The following CTIF variants were observed in gnomAD, a reference collection of about 807,000 sequenced individuals.
The protein encoded by CTIF is CBP80/20-dependent translation initiation factor.
A neutral mutation model predicts 66.0 loss-of-function variants in CTIF; 21 were observed. The observed-to-expected ratio is 0.32, with a 90% CI of 0.23 to 0.46. The LOEUF (loss-of-function observed/expected upper bound fraction) is 0.46, where lower values mean the gene tolerates loss of function less well. CTIF is among the 20% of genes least tolerant of loss of function. CTIF has a pLI of 1.00. For synonymous variants in CTIF, 345 were observed against 326.4 expected, an observed-to-expected ratio of 1.06 and a Z score of -0.62; for missense variants, 739 against 812.7, an observed-to-expected ratio of 0.91 and a Z score of 1.10.
Position 48,758,325 on chromosome 18 carries a change from C to T in CTIF, c.991C>T (p.Pro331Ser). Reference sequence around the variant, plus strand: ...GACAAAACGTAAAGACAGTATTCTTCCCGAGCGCATCGGGGAGCGGCCCAA... The same window carrying T: ...GACAAAACGTAAAGACAGTATTCTTTCCGAGCGCATCGGGGAGCGGCCCAA... Reference protein sequence around the residue: ...VETKRKDSILPERIGERPKIT... With the variant: ...VETKRKDSILSERIGERPKIT... The change falls in exon 8 of 12, where the codon CCC becomes TCC. Residue 331 changes from proline (P) to serine (S), a missense_variant. By Grantham distance (74) the Pro-to-Ser change is moderately conservative. Transcript: ENST00000256413. 2 of 1,612,972 alleles carry T rather than the reference C, an allele frequency of 1.2e-6. No homozygotes were observed. The highest frequency in any genetic ancestry group is 1.7e-6 in the Non-Finnish European group (2 of 1,179,954).
intron 6 of CTIF, among the ~76,000 whole-genome samples, chr18:48,704,481 G>T (rs1002222583): frequency 6.6e-6 from 1 of 152,116 alleles, no homozygotes; most frequent in Admixed American, 6.5e-5. Context: ...TCCCGGGGCC[G>T]CCATAACAAA....
chr18:48,728,563 T>G (rs578093943), intron 7 of CTIF, among the ~76,000 whole-genome samples: 1 of 152,312 alleles, frequency 6.6e-6, no homozygotes, highest in East Asian at 1.9e-4. Context: ...TGCGGTCATC[T>G]GACACTTGAC....
chr18:48,658,185 A>G (rs2091276296), intron 3 of CTIF, among the ~76,000 whole-genome samples: 1 of 151,550 alleles, frequency 6.6e-6, no homozygotes, highest in Non-Finnish European at 1.5e-5. Context: ...TGTGAGGTGT[A>G]TATGTGTGTG....
At chr18:48,668,736 A>G (rs574334181) in intron 5 of CTIF, among the ~76,000 whole-genome samples, 1 of 152,176 alleles carries the variant, frequency 6.6e-6, no homozygotes, top group Admixed American at 6.5e-5. Flanking sequence ...GTGCTTGGCC[A>G]GCTCACCTCT....
At chr18:48,756,713 G>A (rs1177514072) in intron 7 of CTIF, among the ~76,000 whole-genome samples, 1 of 152,202 alleles carries the variant, frequency 6.6e-6, no homozygotes, top group Non-Finnish European at 1.5e-5. Context: ...AGTGCTTTCA[G>A]TGGCAGGAAG....
chr18:48,688,384 A>G (rs1189636136), intron 6 of CTIF: 1 of 152,286 alleles, frequency 6.6e-6, no homozygotes, highest in East Asian at 1.9e-4. Flanking sequence ...AGAGGGTCAG[A>G]TGAGGGCAGG....
intron 3 of CTIF, among the ~76,000 whole-genome samples, chr18:48,648,470 C>CACACAA (rs2091093183): frequency 6.7e-6 from 1 of 149,726 alleles, no homozygotes; most frequent in East Asian, 2.0e-4. Context: ...TCGTTCTGAA[C>CACACAA]ACACACACAC....
At chr18:48,807,129 A>G (rs1158755743) in intron 9 of CTIF, among the ~76,000 whole-genome samples, 1 of 152,060 alleles carries the variant, frequency 6.6e-6, no homozygotes, top group Non-Finnish European at 1.5e-5. Flanking sequence ...CTGGCAACCT[A>G]TAACATGTGT....
chr18:48,691,514 C>T (rs186873772), intron 6 of CTIF, among the ~76,000 whole-genome samples: 1 of 146,438 alleles, frequency 6.8e-6, no homozygotes, highest in Non-Finnish European at 1.5e-5. Flanking sequence ...CGAGGCCTCC[C>T]AATGCTCAGT....
intron 7 of CTIF, among the ~76,000 whole-genome samples, chr18:48,712,617 A>G (rs2145492750): frequency 6.6e-6 from 1 of 152,372 alleles, no homozygotes; most frequent in South Asian, 2.1e-4. Flanking sequence ...ATTCTTAGAT[A>G]AAGATGACGG....
chr18:48,834,480 G>T (rs1020201239), intron 10 of CTIF, among the ~76,000 whole-genome samples: 1 of 152,216 alleles, frequency 6.6e-6, no homozygotes, highest in Non-Finnish European at 1.5e-5. Flanking sequence ...CCCTGATCCC[G>T]CTGTGTGGTT....
Position 48,676,205 on chromosome 18 carries a change from C to T in CTIF, c.507+5461C>T, listed in dbSNP as rs572097649. Among the ~76,000 whole-genome samples the T allele has an allele frequency of 6.6e-5, 10 of 152,296 alleles. No homozygotes were observed. The Middle Eastern group carries it at 0.014, about 207-fold the overall frequency. Reference sequence around the variant, plus strand: ...AGGTTCCCGGGCACAGGGCCCTCGGCGCCCTGCGGAAATGCCACCTCCTTA... The same window carrying T: ...AGGTTCCCGGGCACAGGGCCCTCGGTGCCCTGCGGAAATGCCACCTCCTTA... On this transcript the variant is annotated intron_variant, in intron 6 of 11. Coordinates refer to ENST00000256413, the MANE Select transcript of CTIF (RefSeq NM_014772.3).
chr18:48,801,098 GGGCC>G (rs2068040144), intron 9 of CTIF, among the ~76,000 whole-genome samples: 1 of 152,126 alleles, frequency 6.6e-6, no homozygotes, highest in Non-Finnish European at 1.5e-5. Flanking sequence ...ACTTCCTTCA[GGGCC>G]ACCCCCACCC....
chr18:48,606,801 G>A (rs1480497476), intron 1 of CTIF, among the ~76,000 whole-genome samples: 1 of 152,100 alleles, frequency 6.6e-6, no homozygotes, highest in Non-Finnish European at 1.5e-5. Flanking sequence ...TCCTAGCCAG[G>A]TGACCTTGAG....
intron 6 of CTIF, among the ~76,000 whole-genome samples, chr18:48,696,499 T>C (rs2092010760): frequency 6.6e-6 from 1 of 152,126 alleles, no homozygotes; most frequent in Non-Finnish European, 1.5e-5. Flanking sequence ...ATTGCTCTCT[T>C]TATGGGTACC....
chr18:48,705,998 C>A lies in CTIF; in HGVS notation c.508-5621C>A, dbSNP rs1598901896. Among the ~76,000 whole-genome samples the A allele has an allele frequency of 1.3e-5, 2 of 152,342 alleles. 1 individual carries two copies. The highest frequency in any genetic ancestry group is 1.3e-4 in the Admixed American group (2 of 15,306). ...GTCTTATTCTCCTGATATTCTCCAT[C>A]AGGTGCACTGTTGCATGGCGGGCCC... is the stretch of plus-strand genomic sequence containing the variant. On this transcript the variant is annotated intron_variant, in intron 6 of 11. Transcript: ENST00000256413.
At chr18:48,652,574 A>G (rs901514090) in intron 3 of CTIF, among the ~76,000 whole-genome samples, 5 of 152,254 alleles carry the variant, frequency 3.3e-5, no homozygotes, top group African/African-American at 1.2e-4. Flanking sequence ...AGCTGGTACC[A>G]TTCCTTCTGA....
At chr18:48,705,596 G>T (rs1449017108) in intron 6 of CTIF, among the ~76,000 whole-genome samples, 1 of 152,210 alleles carries the variant, frequency 6.6e-6, no homozygotes, top group Non-Finnish European at 1.5e-5. Flanking sequence ...CTTTACAGAT[G>T]GGATCACACC....
chr18:48,656,637 T>C (rs2091251220), intron 3 of CTIF, among the ~76,000 whole-genome samples: 1 of 152,222 alleles, frequency 6.6e-6, no homozygotes, highest in Non-Finnish European at 1.5e-5. Context: ...TATCCCTCTG[T>C]GATCTGTTCT....
Sources: gnomAD v4.1 joint callset for allele counts (sites outside exome capture counted in the v4.1 genomes callset) on GRCh38, gnomAD v4.1.1 for gene constraint, MANE v1.5 for transcripts, NCBI Gene and HGNC (gene_info 2026-07-23, HGNC 2026-07-21) for gene names.